Variants in NCOR2 observed in about 807,000 individuals in gnomAD.
NCOR2 encodes nuclear receptor corepressor 2.
In NCOR2, 81 loss-of-function variants were observed where a neutral mutation model predicts 262.9. The observed-to-expected ratio is 0.31, with a 90% CI of 0.26 to 0.37. NCOR2 has a LOEUF of 0.37. Ranked by LOEUF, NCOR2 falls within the 10% of genes least tolerant of loss-of-function variation. The pLI is 1.00. For missense variants in NCOR2, 3,385 were observed against 3,621.4 expected (o/e 0.93, Z 1.68); for synonymous variants, 1,659 against 1,559.3 (o/e 1.06, Z -1.51).
In NCOR2 at chr12:124,495,140, C is replaced by T; in HGVS notation, c.105+7G>A. On this transcript the variant is annotated splice_region_variant and intron_variant, in intron 1 of 46. Transcript: ENST00000405201. The surrounding 1 kb of genome is among the most constrained non-coding windows in gnomAD (Gnocchi z 4.4). ...AGCCCCAGGCGCACACATGTGCACC[C>T]CCTTACCGTGTGCGTCCGGGCGATC... The T allele has an allele frequency of 6.2e-7, 1 of 1,613,674 alleles. No individual in the cohort carries two copies.
chr12:124,401,665 G>A (rs560444975), intron 14 of NCOR2, among the ~76,000 whole-genome samples: 2 of 152,364 alleles, frequency 1.3e-5, no homozygotes, highest in Admixed American at 6.5e-5. Flanking sequence ...CTCGATACCC[G>A]AGCTGGGGCT....
intron 8 of NCOR2, among the ~76,000 whole-genome samples, chr12:124,433,121 C>T (rs1365327158): frequency 6.6e-6 from 1 of 152,210 alleles, no homozygotes; most frequent in Non-Finnish European, 1.5e-5. Context: ...GTGACCATGA[C>T]GGTCCCCACG....
intron 6 of NCOR2, among the ~76,000 whole-genome samples, chr12:124,455,728 G>A (rs1426849428): frequency 3.3e-5 from 5 of 152,226 alleles, no homozygotes; most frequent in Non-Finnish European, 5.9e-5. Flanking sequence ...CTTTAACCCT[G>A]GGAAGACCCT....
chr12:124,378,243 CCTCCTCCACCAT>C lies in NCOR2; in HGVS notation c.2149_2160del (p.Met717_Glu720del). Reference sequence around the variant, plus strand: ...AAGCCGCGCCAGCCCTCACCTTCAGCCTCCTCCACCATCTCCTCCTCATTTCCGCTCACGCCC... The same window carrying C: ...AAGCCGCGCCAGCCCTCACCTTCAGCCTCCTCCTCATTTCCGCTCACGCCC... On this transcript the variant is annotated inframe_deletion, in exon 18 of 47. Transcript: ENST00000405201. The surrounding 1 kb of genome is among the most constrained non-coding windows in gnomAD (Gnocchi z 4.2). 1 of 1,613,618 alleles carries C rather than the reference CCTCCTCCACCAT, an allele frequency of 6.2e-7. No individual in the cohort carries two copies. The highest frequency in any genetic ancestry group is 2.2e-5 in the East Asian group (1 of 44,872).
intron 1 of NCOR2, among the ~76,000 whole-genome samples, chr12:124,526,577 C>CA: frequency 6.6e-6 from 1 of 152,198 alleles, no homozygotes. Flanking sequence ...CAGCCACCCC[C>CA]ATCCTCTGTC....
At chr12:124,407,907 G>T (rs551209922) in intron 13 of NCOR2, among the ~76,000 whole-genome samples, 4 of 152,296 alleles carry the variant, frequency 2.6e-5, no homozygotes, top group African/African-American at 9.6e-5. Context: ...GGGGCCAGGG[G>T]TCAGAGCCGA....
chr12:124,530,137 G>C (rs1257363638), intron 1 of NCOR2: 1 of 152,192 alleles, frequency 6.6e-6, no homozygotes, highest in Non-Finnish European at 1.5e-5. Flanking sequence ...GAGAAAGAAT[G>C]AATTGATACA....
Position 124,372,621 on chromosome 12 carries a change from C to T in NCOR2, c.2219-11G>A, listed in dbSNP as rs759419552. The T allele has an allele frequency of 1.3e-5, 21 of 1,592,274 alleles. No homozygotes were observed. The highest frequency in any genetic ancestry group is 3.4e-5 in the Admixed American group (2 of 59,252). ...TGTTGTTGACAGTGGCTGTGCAGGG[C>T]GAGAAGGAAGAGGGGATGAGCAGGG... On this transcript the variant is annotated splice_polypyrimidine_tract_variant and intron_variant, in intron 19 of 46. Coordinates refer to ENST00000405201, the Ensembl canonical transcript of NCOR2.
At chr12:124,359,335 C>T (rs974859988) in intron 22 of NCOR2, among the ~76,000 whole-genome samples, 2 of 152,192 alleles carry the variant, frequency 1.3e-5, no homozygotes, top group South Asian at 2.1e-4. Flanking sequence ...GTTCTGAGGG[C>T]CCATCAGGGT....
intron 8 of NCOR2, 123 bp from the exon 11 acceptor site, chr12:124,430,910 G>T: frequency 8.6e-7 from 1 of 1,168,146 alleles, no homozygotes; most frequent in Non-Finnish European, 1.2e-6. Context: ...AGTCACACAG[G>T]CACACACATA....
chr12:124,379,667 C>G (rs2040272035), intron 17 of NCOR2, among the ~76,000 whole-genome samples: 1 of 152,188 alleles, frequency 6.6e-6, no homozygotes, highest in Non-Finnish European at 1.5e-5. Flanking sequence ...AGCCAAGAGC[C>G]CTGTACTGGG....
exon 38 of NCOR2, chr12:124,337,101 C>G: frequency 6.6e-7 from 1 of 1,506,536 alleles, no homozygotes; most frequent in Non-Finnish European, 8.9e-7. Flanking sequence ...TAGACCCCAT[C>G]GAGGGTGCCG....
exon 20 of NCOR2, chr12:124,372,140 CCTT>C (rs772957949): frequency 1.0e-5 from 16 of 1,601,704 alleles, no homozygotes; most frequent in African/African-American, 5.3e-5. Flanking sequence ...CTCCCGCCCT[CCTT>C]CTTCTCTGCC....
intron 44 of NCOR2, among the ~76,000 whole-genome samples, chr12:124,329,556 C>T (rs1332743032): frequency 1.3e-5 from 2 of 152,110 alleles, no homozygotes; most frequent in Non-Finnish European, 2.9e-5. Context: ...GCCTGGGTAA[C>T]ATATTGAGAG....
At chr12:124,346,659 C>A in exon 31 of NCOR2, 1 of 1,585,350 alleles carries the variant, frequency 6.3e-7, no homozygotes, top group Non-Finnish European at 8.6e-7. Context: ...ATGGAGCGGC[C>A]CGCCTCCTTC....
chr12:124,350,663 G>T lies in NCOR2; in HGVS notation c.3768C>A (p.Asp1256Glu), dbSNP rs138508287. Residue 1256 changes from aspartate to glutamate, a missense_variant, in exon 28 of 47, where the codon GAC (aspartate) becomes GAA (glutamate). This residue lies in a region of NCOR2 where 1,615 missense variants were observed against 1,626.9 expected (regional missense o/e 0.99). Coordinates refer to ENST00000405201, the Ensembl canonical transcript of NCOR2. ...TGGGCAGGCTGTCCTCCCGGCCGCG[G>T]TCCAAGCGACTCGGGCTGTCCTCGC... is the stretch of plus-strand genomic sequence containing the variant. 1.6e-5 allele frequency: 26 copies of T among 1,613,852 alleles called. No homozygotes were observed. The African/African-American group carries it at 2.7e-4, about 17-fold the overall frequency.
intron 7 of NCOR2, among the ~76,000 whole-genome samples, chr12:124,442,946 AG>A: frequency 6.6e-6 from 1 of 152,324 alleles, no homozygotes; most frequent in East Asian, 1.9e-4. Flanking sequence ...AAAAGACGGG[AG>A]TGACGCATCT....
chr12:124,522,146 TCAGA>T (rs1158081513), intron 1 of NCOR2, among the ~76,000 whole-genome samples: 1 of 152,226 alleles, frequency 6.6e-6, no homozygotes, highest in African/African-American at 2.4e-5. Context: ...CCTGGAGCTA[TCAGA>T]CATTCGAGAA....
intron 3 of NCOR2, among the ~76,000 whole-genome samples, chr12:124,479,443 G>C (rs530772368): frequency 4.6e-5 from 5 of 109,270 alleles, no homozygotes; most frequent in African/African-American, 1.6e-4. Flanking sequence ...GCACATGTGT[G>C]CACACACGCA....
Sources: gnomAD v4.1 joint callset for allele counts (sites outside exome capture counted in the v4.1 genomes callset) on GRCh38, gnomAD v4.1.1 for gene constraint, gnomAD v4.1.1 regional missense constraint, Gnocchi (gnomAD v3.1) non-coding constraint, MANE v1.5 for transcripts, NCBI Gene and HGNC (gene_info 2026-07-23, HGNC 2026-07-21) for gene names.